The following RGS6 variants were observed in gnomAD, a reference collection of about 807,000 sequenced individuals.
RGS6 encodes regulator of G-protein signaling 6.
A neutral mutation model predicts 78.5 loss-of-function variants in RGS6; 30 were observed. The ratio of observed to expected loss-of-function variants is 0.38; its 90% CI spans 0.29 to 0.52. RGS6 has a LOEUF of 0.52. Among genes scored for constraint, RGS6 ranks in the 20% least tolerant of loss-of-function variants. RGS6 has a pLI of 0.85. For missense variants in RGS6, 495 were observed against 609.7 expected, an observed-to-expected ratio of 0.81 and a Z score of 1.98; for synonymous variants, 206 against 206.0, an observed-to-expected ratio of 1.00 and a Z score of 0.00.
chr14:72,549,691 G>A (rs983828847), intron 17 of RGS6, among the ~76,000 whole-genome samples: 4 of 152,078 alleles, frequency 2.6e-5, no homozygotes, highest in East Asian at 1.9e-4. Flanking sequence ...GTGAAACCCC[G>A]TCTCTACTAA....
At chr14:72,000,237 G>T (rs574838460) in intron 2 of RGS6, among the ~76,000 whole-genome samples, 7 of 152,346 alleles carry the variant, frequency 4.6e-5, no homozygotes, top group Non-Finnish European at 8.8e-5. Context: ...ATCTTTACAT[G>T]AGGATGCAAA....
intron 2 of RGS6, among the ~76,000 whole-genome samples, chr14:72,171,192 G>T (rs902775237): frequency 1.3e-5 from 2 of 152,038 alleles, no homozygotes; most frequent in African/African-American, 4.8e-5. Flanking sequence ...AAGCTGAAGG[G>T]ATTTTGTCTG....
At chr14:72,356,315 C>T (rs2080269220) in intron 3 of RGS6, among the ~76,000 whole-genome samples, 2 of 151,908 alleles carry the variant, frequency 1.3e-5, no homozygotes, top group African/African-American at 2.4e-5. Flanking sequence ...CTTCCCCCTG[C>T]TCTCTCTCTC....
intron 2 of RGS6, among the ~76,000 whole-genome samples, chr14:72,264,494 C>T (rs112091137): frequency 9.2e-5 from 14 of 152,060 alleles, no homozygotes; most frequent in Non-Finnish European, 2.1e-4. Flanking sequence ...ACTTATTTTC[C>T]GGGAGAGGAA....
intron 2 of RGS6, among the ~76,000 whole-genome samples, chr14:72,112,589 G>A (rs748884080): frequency 6.6e-5 from 10 of 152,270 alleles, no homozygotes; most frequent in South Asian, 2.1e-4. Flanking sequence ...AATAAGAATC[G>A]TTTATTTGTT....
chr14:72,037,543 C>T (rs538861098), intron 2 of RGS6, among the ~76,000 whole-genome samples: 1 of 152,264 alleles, frequency 6.6e-6, no homozygotes, highest in South Asian at 2.1e-4. Flanking sequence ...AAGAACCTAC[C>T]AGAAGGAACC....
intron 1 of RGS6, among the ~76,000 whole-genome samples, chr14:71,937,797 C>T (rs893261301): frequency 6.6e-6 from 1 of 152,196 alleles, no homozygotes; most frequent in Non-Finnish European, 1.5e-5. Context: ...ATGTCTATTC[C>T]AGTGAGGACA....
intron 17 of RGS6, among the ~76,000 whole-genome samples, chr14:72,554,641 TACAG>T (rs1383111595): frequency 6.6e-6 from 1 of 151,564 alleles, no homozygotes; most frequent in Non-Finnish European, 1.5e-5. Flanking sequence ...CGAGAGGCCT[TACAG>T]GCAGAATGCC....
intron 13 of RGS6, among the ~76,000 whole-genome samples, chr14:72,508,562 CTTTTTTT>C (rs61097187): frequency 5.7e-4 from 32 of 56,472 alleles, no homozygotes; most frequent in South Asian, 9.9e-4. Flanking sequence ...ACACAAGCTC[CTTTTTTT>C]TTTTTTTTTT....
chr14:72,594,065 G>A, the RGS6 span, among the ~76,000 whole-genome samples: 2 of 152,090 alleles, frequency 1.3e-5, no homozygotes, highest in Non-Finnish European at 2.9e-5. Context: ...CTCCCCGCAA[G>A]CCCCAAAAGA....
intron 13 of RGS6, among the ~76,000 whole-genome samples, chr14:72,499,952 C>G (rs915557168): frequency 3.3e-5 from 5 of 152,196 alleles, no homozygotes; most frequent in African/African-American, 1.2e-4. Flanking sequence ...ACCGTGTGGG[C>G]TGGAGGGAGG....
intron 2 of RGS6, among the ~76,000 whole-genome samples, chr14:72,004,684 G>A (rs982990581): frequency 6.6e-6 from 1 of 152,012 alleles, no homozygotes. Context: ...AATTAGCCAG[G>A]CATGGTGGCA....
chr14:72,483,057 A>C (rs1470542479), intron 12 of RGS6, among the ~76,000 whole-genome samples: 1 of 152,198 alleles, frequency 6.6e-6, no homozygotes, highest in Non-Finnish European at 1.5e-5. Context: ...TGAAGTTGCC[A>C]GATAAACAAG....
At position 72,269,567 on chromosome 14, in the gene RGS6, ATT is replaced by A. The variant is rs56171281; in HGVS notation, c.85-82502_85-82501del. On this transcript the variant is annotated intron_variant, in intron 2 of 17. Coordinates refer to ENST00000553525, the MANE Select transcript of RGS6 (RefSeq NM_001204424.2). ...GTTTTTACAGTGAAACCTATCTTAAATTTTTTTTTTTTTTTTTTTTTTTTTTT... is the reference window on the plus strand; with the variant it reads ...GTTTTTACAGTGAAACCTATCTTAAATTTTTTTTTTTTTTTTTTTTTTTTT... Among the ~76,000 whole-genome samples the A allele has an allele frequency of 4.1e-4, 49 of 120,358 alleles. 3 individuals are homozygous for A. The highest frequency in any genetic ancestry group is 5.4e-4 in the Non-Finnish European group (32 of 59,326). The allele number at this position is 120,358 out of a possible 152,430, so 79.0% of individuals were successfully genotyped here. A position where few individuals can be genotyped will look rare whatever the true frequency, so the allele number is the denominator to read the frequency against.
At chr14:72,356,194 G>A (rs1596202033) in intron 3 of RGS6, among the ~76,000 whole-genome samples, 1 of 152,114 alleles carries the variant, frequency 6.6e-6, no homozygotes, top group Non-Finnish European at 1.5e-5. Context: ...TCCCCACATG[G>A]CAAGGGAGGG....
chr14:72,521,651 A>G (rs1015160564), intron 15 of RGS6, among the ~76,000 whole-genome samples: 10 of 152,212 alleles, frequency 6.6e-5, no homozygotes, highest in African/African-American at 2.4e-4. Flanking sequence ...TCCTAAGCCA[A>G]TCCCTATTTT....
intron 2 of RGS6, among the ~76,000 whole-genome samples, chr14:72,213,672 C>T (rs2044749319): frequency 6.6e-6 from 1 of 152,110 alleles, no homozygotes; most frequent in African/African-American, 2.4e-5. Context: ...TCACATCATC[C>T]CACGTGTGCA....
chr14:72,298,662 A>G (rs936453861), intron 2 of RGS6, among the ~76,000 whole-genome samples: 2 of 151,674 alleles, frequency 1.3e-5, no homozygotes, highest in African/African-American at 4.8e-5. Flanking sequence ...GTTAGCCAGG[A>G]TGGTCTCCAT....
intron 3 of RGS6, among the ~76,000 whole-genome samples, chr14:72,412,431 A>G (rs1566776472): frequency 1.3e-5 from 2 of 151,550 alleles, no homozygotes; most frequent in African/African-American, 2.4e-5. Context: ...GTCATTTTTT[A>G]TTGCGTCTAT....
Sources: allele counts gnomAD v4.1 joint callset (sites outside exome capture counted in the v4.1 genomes callset), GRCh38; gene constraint gnomAD v4.1.1; transcripts MANE v1.5; gene names NCBI Gene and HGNC (gene_info 2026-07-23, HGNC 2026-07-21).